Variants in COXFA4 observed in about 807,000 individuals in gnomAD.
COXFA4 encodes cytochrome c oxidase associated subunit FA4.
At chr7:10,938,777 A>T in the COXFA4 span, 1 of 1,552,404 alleles carries the variant, frequency 6.4e-7, no homozygotes, top group Admixed American at 1.7e-5. Context: ...TTGATCAGCT[A>T]TCAAAGTTTT....
chr7:10,933,439 TA>T, the COXFA4 span: 2 of 556,374 alleles, frequency 3.6e-6, no homozygotes, highest in Non-Finnish European at 6.3e-6. Context: ...ACTTTCAGCA[TA>T]AAAAAGTGAC....
At chr7:10,940,110 G>C in the COXFA4 span, 1 of 1,574,556 alleles carries the variant, frequency 6.4e-7, no homozygotes, top group Non-Finnish European at 8.7e-7. Flanking sequence ...TAGCCACCAG[G>C]CCCTAAGCTA....
At chr7:10,939,703 C>T in the COXFA4 span, 1 of 412,950 alleles carries the variant, frequency 2.4e-6, no homozygotes, top group Admixed American at 3.7e-5. Context: ...GCACATCTAT[C>T]CCTCCTGGAC....
the COXFA4 span, chr7:10,938,235 C>G: frequency 4.2e-6 from 5 of 1,193,398 alleles, no homozygotes; most frequent in Middle Eastern, 2.7e-4. Flanking sequence ...ACAGATCAAT[C>G]TTATTTTCTA....
At chr7:10,933,831 ATCAT>A in the COXFA4 span, 1 of 662,704 alleles carries the variant, frequency 1.5e-6, no homozygotes, top group Non-Finnish European at 2.6e-6. Context: ...ACAACATAAA[ATCAT>A]TCACAGAAAA....
At chr7:10,935,013 G>A in the COXFA4 span, among the ~76,000 whole-genome samples, 1 of 152,206 alleles carries the variant, frequency 6.6e-6, no homozygotes, top group Non-Finnish European at 1.5e-5. Context: ...CACTTGTTGG[G>A]CTCCTGCCCA....
the COXFA4 span, among the ~76,000 whole-genome samples, chr7:10,935,823 G>A: frequency 2.0e-5 from 3 of 152,044 alleles, no homozygotes; most frequent in African/African-American, 7.3e-5. Flanking sequence ...AAATCTTAGC[G>A]GCTTACAACG....
At chr7:10,934,260 C>A in the COXFA4 span, among the ~76,000 whole-genome samples, 1 of 151,774 alleles carries the variant, frequency 6.6e-6, no homozygotes, top group Non-Finnish European at 1.5e-5. Context: ...CAAACTGACA[C>A]TTCAACTCTG....
At chr7:10,938,028 C>T in the COXFA4 span, 9 of 1,414,744 alleles carry the variant, frequency 6.4e-6, no homozygotes, top group African/African-American at 1.4e-5. Context: ...AGAAAACCCA[C>T]CCCATGACAA....
the COXFA4 span, chr7:10,937,901 A>T: frequency 1.7e-6 from 1 of 600,222 alleles, no homozygotes; most frequent in Non-Finnish European, 3.0e-6. Flanking sequence ...TATACTAGCA[A>T]TTAAATACCT....
chr7:10,936,321 T>C, the COXFA4 span, among the ~76,000 whole-genome samples: 10 of 152,326 alleles, frequency 6.6e-5, 1 homozygote, highest in Middle Eastern at 3.4e-3. Context: ...AGGCCTCATA[T>C]TGGCATGTGT....
At chr7:10,932,963 C>CA in the COXFA4 span, 10,363 of 120,948 alleles carry the variant, frequency 0.086, 478 homozygotes, top group African/African-American at 0.14. Context: ...GAGACTATCT[C>CA]AAAAAAAAAA....
At chr7:10,937,796 G>C in the COXFA4 span, 3 of 358,348 alleles carry the variant, frequency 8.4e-6, no homozygotes, top group Non-Finnish European at 1.5e-5. Context: ...GTTTCAACAA[G>C]CTCTATGTAT....
At chr7:10,939,640 G>A in the COXFA4 span, 57 of 226,524 alleles carry the variant, frequency 2.5e-4, no homozygotes, top group South Asian at 3.6e-3. Flanking sequence ...AACCTCCAGA[G>A]ATGGTATAAC....
chr7:10,938,296 T>A, the COXFA4 span: 1 of 687,116 alleles, frequency 1.5e-6, no homozygotes, highest in Non-Finnish European at 2.5e-6. Context: ...AGGTAGAGGA[T>A]CTATAATAAG....
chr7:10,935,347 A>C, the COXFA4 span, among the ~76,000 whole-genome samples: 1 of 152,218 alleles, frequency 6.6e-6, no homozygotes, highest in Non-Finnish European at 1.5e-5. Context: ...AAGGCACAAC[A>C]TATTCTGATC....
the COXFA4 span, chr7:10,938,726 T>C: frequency 1.1e-6 from 1 of 937,408 alleles, no homozygotes; most frequent in Non-Finnish European, 1.8e-6. Context: ...TCTACTACCC[T>C]AATGTTATCG....
chr7:10,932,399 T>C, the COXFA4 span: 1 of 152,344 alleles, frequency 6.6e-6, no homozygotes, highest in South Asian at 2.1e-4. Context: ...ATATCCACCA[T>C]TTGACTAACA....
At chr7:10,938,226 C>T in the COXFA4 span, 34 of 1,261,054 alleles carry the variant, frequency 2.7e-5, no homozygotes, top group East Asian at 7.5e-4. Context: ...CATTTTTGAA[C>T]AGATCAATCT....
Sources: gnomAD v4.1 joint callset for allele counts (sites outside exome capture counted in the v4.1 genomes callset) on GRCh38, gnomAD v4.1.1 for gene constraint, MANE v1.5 for transcripts, NCBI Gene and HGNC (gene_info 2026-07-23, HGNC 2026-07-21) for gene names.